Variants in HTR1D observed in about 807,000 individuals in gnomAD.
The protein encoded by HTR1D is 5-hydroxytryptamine receptor 1D.
HTR1D carries 18 observed loss-of-function variants against 21.1 expected under a neutral mutation model. The observed-to-expected ratio is 0.85, with a 90% CI of 0.59 to 1.27. The LOEUF is 1.27. HTR1D is among the 50% of genes most tolerant of loss of function. The probability of loss-of-function intolerance (pLI) is 0.00; values close to 1 mark genes in which losing one functional copy is unlikely to be tolerated. For missense variants in HTR1D, 456 were observed against 481.4 expected (o/e 0.95, Z 0.49); for synonymous variants, 196 against 204.4 (o/e 0.96, Z 0.35).
At chr1:23,197,141 G>T (rs1644691872) in intron 1 of HTR1D, among the ~76,000 whole-genome samples, 1 of 152,110 alleles carries the variant, frequency 6.6e-6, no homozygotes, top group African/African-American at 2.4e-5. Context: ...TCAGTGAAAG[G>T]CGTGGGTTCA....
At position 23,194,008 on chromosome 1, in the gene HTR1D, G is replaced by T; in HGVS notation, c.212C>A (p.Thr71Asn). 1 of 1,614,172 alleles carries T rather than the reference G, an allele frequency of 6.2e-7. No homozygotes were observed. The highest frequency in any genetic ancestry group is 1.1e-5 in the South Asian group (1 of 91,080). Residue 71 changes from threonine (T) to asparagine (N), a missense_variant, in exon 2 of 2, where the codon ACC becomes AAC. Coordinates refer to ENST00000374619, the MANE Select transcript of HTR1D (RefSeq NM_000864.5). ...TTILLTRKLH[T>N]PANYLIGSLA... is the part of the protein sequence containing the mutation. ...GGAGCCAATCAGGTAGTTGGCAGGG[G>T]TGTGGAGCTTCCTGGTGAGTAAGAT...
At chr1:23,209,375 T>C (rs1644744664) in intron 1 of HTR1D, among the ~76,000 whole-genome samples, 1 of 152,136 alleles carries the variant, frequency 6.6e-6, no homozygotes. Context: ...TCTTGTTATA[T>C]TTCTATTGGT....
At chr1:23,211,447 G>A (rs1021805965) in intron 1 of HTR1D, among the ~76,000 whole-genome samples, 5 of 152,112 alleles carry the variant, frequency 3.3e-5, no homozygotes, top group African/African-American at 7.2e-5. Flanking sequence ...GAAGCTGAGC[G>A]TGGGAGGACA....
At chr1:23,195,879 A>C (rs1644686791) in intron 1 of HTR1D, among the ~76,000 whole-genome samples, 2 of 152,158 alleles carry the variant, frequency 1.3e-5, no homozygotes, top group African/African-American at 4.8e-5. Flanking sequence ...CCCAGGCTAG[A>C]GTGCGGTGGC....
chr1:23,193,256 GA>G lies in HTR1D; in HGVS notation c.963del (p.Leu322TrpfsTer23). ...IICWLPFFVV[S>X]LVLPICRDSC... Reference sequence around the variant, plus strand: ...GAGTCCCGGCAGATGGGGAGGACCAGAGACACCACGAAGAAGGGCAGCCAGC... The same window carrying G: ...GAGTCCCGGCAGATGGGGAGGACCAGGACACCACGAAGAAGGGCAGCCAGC... On this transcript the variant is annotated frameshift_variant, in exon 2 of 2. Coordinates refer to ENST00000374619, the MANE Select transcript of HTR1D (RefSeq NM_000864.5). LOFTEE classifies it high-confidence loss of function. 1.9e-6 allele frequency: 3 copies of G among 1,614,166 alleles called. No homozygotes were observed. Among genetic ancestry groups the G allele is most frequent in the Non-Finnish European group, 2.5e-6 (3 of 1,180,028 alleles).
chr1:23,199,550 C>T (rs563201977), intron 1 of HTR1D, among the ~76,000 whole-genome samples: 4 of 149,114 alleles, frequency 2.7e-5, no homozygotes, highest in Non-Finnish European at 5.9e-5. Flanking sequence ...CCCAACTTGG[C>T]CTCCCAAAGT....
intron 1 of HTR1D, among the ~76,000 whole-genome samples, chr1:23,215,970 G>T (rs1325844655): frequency 2.0e-5 from 3 of 152,210 alleles, no homozygotes; most frequent in Admixed American, 6.5e-5. Context: ...CAGCTGGCCT[G>T]GTCCCTCCCT....
intron 1 of HTR1D, among the ~76,000 whole-genome samples, chr1:23,195,688 G>A (rs1186689637): frequency 1.1e-4 from 17 of 152,098 alleles, no homozygotes; most frequent in Non-Finnish European, 2.1e-4. Flanking sequence ...CCGCTGCCTC[G>A]GCCGCCCAAA....
rs1644754648 is a variant in HTR1D at position 23,211,811 on chromosome 1, C to T, written c.-783+5480G>A. ...CAAGTTGCTAGAACTGCAGGTGCAC[C>T]ATCATGCCTGGCAAATTTTAAAAAA... On this transcript the variant is annotated intron_variant, in intron 1 of 1. Coordinates refer to ENST00000374619, the MANE Select transcript of HTR1D (RefSeq NM_000864.5). 2.6e-5 allele frequency among the ~76,000 whole-genome samples: 4 copies of T among 151,742 alleles called. No individual in the cohort carries two copies. The South Asian group carries it at 8.4e-4, about 32-fold the overall frequency.
At chr1:23,195,861 C>T (rs1358403511) in intron 1 of HTR1D, among the ~76,000 whole-genome samples, 3 of 152,028 alleles carry the variant, frequency 2.0e-5, no homozygotes, top group Non-Finnish European at 4.4e-5. Flanking sequence ...TAGGATCTAG[C>T]TCTGTCCCCC....
intron 1 of HTR1D, among the ~76,000 whole-genome samples, chr1:23,208,375 C>G (rs1450479823): frequency 6.6e-6 from 1 of 152,040 alleles, no homozygotes. Context: ...AGTTTGAGAC[C>G]AGCCTGACCA....
At chr1:23,215,491 C>G (rs945628902) in intron 1 of HTR1D, among the ~76,000 whole-genome samples, 3 of 152,182 alleles carry the variant, frequency 2.0e-5, no homozygotes, top group African/African-American at 7.2e-5. Flanking sequence ...ATGGCTGACC[C>G]CTGCCCCTCT....
chr1:23,204,622 T>C lies in HTR1D; in HGVS notation c.-782-9621A>G, dbSNP rs949732444. 1.8e-4 allele frequency among the ~76,000 whole-genome samples: 27 copies of C among 152,228 alleles called. 1 individual carries two copies. The highest frequency in any genetic ancestry group is 1.5e-5 in the Non-Finnish European group (1 of 68,036). ...AAGGAGTATTTTTTTTGTCCCTTGA[T>C]TCTGGGTTCAGCATGGACTCGCTAT... On this transcript the variant is annotated intron_variant, in intron 1 of 1. Transcript: ENST00000374619.
chr1:23,216,448 G>T (rs1461422510), intron 1 of HTR1D, among the ~76,000 whole-genome samples: 1 of 130,998 alleles, frequency 7.6e-6, no homozygotes, highest in East Asian at 2.2e-4. Context: ...CTAGTAGGTG[G>T]CCAAGGCCAG....
At chr1:23,211,172 G>C (rs1257287742) in intron 1 of HTR1D, among the ~76,000 whole-genome samples, 1 of 152,148 alleles carries the variant, frequency 6.6e-6, no homozygotes, top group Non-Finnish European at 1.5e-5. Context: ...TTCTAGCTTT[G>C]TGACCTTAGG....
Position 23,193,644 on chromosome 1 carries a change from GGT to G in HTR1D, c.574_575del (p.Thr192LeufsTer70). ...AGTAGATGGTGTAGGAGATCTGAGA[GGT>G]GTTCACCAGACAGTCCGACATCTCC... ...QEEMSDCLVN[T>X]SQISYTIYST... On this transcript the variant is annotated frameshift_variant, in exon 2 of 2. Coordinates refer to ENST00000374619, the MANE Select transcript of HTR1D (RefSeq NM_000864.5). LOFTEE classifies it high-confidence loss of function. 6.2e-7 allele frequency: 1 copy of G among 1,613,898 alleles called. No individual in the cohort carries two copies. The highest frequency in any genetic ancestry group is 8.5e-7 in the Non-Finnish European group (1 of 1,179,866).
intron 1 of HTR1D, among the ~76,000 whole-genome samples, chr1:23,213,935 C>A (rs6694445): frequency 1.3e-5 from 2 of 151,994 alleles, no homozygotes; most frequent in African/African-American, 4.8e-5. Flanking sequence ...AGTGCAAAAT[C>A]TCTCTCCTTT....
chr1:23,212,169 C>T (rs561725636), intron 1 of HTR1D, among the ~76,000 whole-genome samples: 7 of 152,252 alleles, frequency 4.6e-5, no homozygotes, highest in African/African-American at 1.7e-4. Flanking sequence ...CTGCTCATCT[C>T]CCCCACCCTC....
intron 1 of HTR1D, among the ~76,000 whole-genome samples, chr1:23,211,097 A>G (rs935902579): frequency 6.6e-6 from 1 of 152,228 alleles, no homozygotes; most frequent in African/African-American, 2.4e-5. Context: ...TCAGAGCACA[A>G]GCTTTGGAGC....
Sources: gnomAD v4.1 joint callset for allele counts (sites outside exome capture counted in the v4.1 genomes callset) on GRCh38, gnomAD v4.1.1 for gene constraint, MANE v1.5 for transcripts, NCBI Gene and HGNC (gene_info 2026-07-23, HGNC 2026-07-21) for gene names.